MYO1B: variants seen among roughly 807,000 people sequenced by gnomAD.
The protein encoded by MYO1B is myosin IB.
A neutral mutation model predicts 159.7 loss-of-function variants in MYO1B; 72 were observed. The ratio of observed to expected loss-of-function variants is 0.45; its 90% confidence interval spans 0.37 to 0.55. MYO1B has a LOEUF of 0.55. Among genes scored for constraint, MYO1B ranks in the 20% least tolerant of loss-of-function variants. The pLI is 0.00. For missense variants in MYO1B, 1,062 were observed against 1,364.8 expected (o/e 0.78, Z 3.50); for synonymous variants, 468 against 473.8 (o/e 0.99, Z 0.16).
At chr2:191,301,470 G>A (rs1689329117) in intron 3 of MYO1B, among the ~76,000 whole-genome samples, 1 of 152,100 alleles carries the variant, frequency 6.6e-6, no homozygotes, top group Non-Finnish European at 1.5e-5. Flanking sequence ...ACCACAAGTG[G>A]AAAACACCAC....
At chr2:191,382,901 C>A (rs1213640823) in intron 14 of MYO1B, among the ~76,000 whole-genome samples, 1 of 152,112 alleles carries the variant, frequency 6.6e-6, no homozygotes, top group Non-Finnish European at 1.5e-5. Flanking sequence ...GCTTTAAATT[C>A]TTGGGATCAA....
intron 30 of MYO1B, among the ~76,000 whole-genome samples, chr2:191,416,842 C>T (rs1280535915): frequency 4.6e-5 from 7 of 151,846 alleles, no homozygotes; most frequent in Admixed American, 2.6e-4. Flanking sequence ...AGGGAGGCCT[C>T]TTTGATGTGG....
At chr2:191,362,671 A>G (rs1693747753) in intron 9 of MYO1B, among the ~76,000 whole-genome samples, 2 of 152,190 alleles carry the variant, frequency 1.3e-5, no homozygotes. Flanking sequence ...AAGTGTTTTT[A>G]TGGCAAAAGT....
chr2:191,387,216 G>A lies in MYO1B; in HGVS notation c.1555-8G>A. On this transcript the variant is annotated splice_polypyrimidine_tract_variant and splice_region_variant and intron_variant, in intron 16 of 30. Transcript: ENST00000392318. ...TGCCTGTCATTGAGTTACATGTGCT[G>A]CTTATAGGTGCTGTACCAGGTGGAA... The A allele has an allele frequency of 6.2e-7, 1 of 1,611,968 alleles. No homozygotes were observed. Among genetic ancestry groups the A allele is most frequent in the Middle Eastern group, 1.7e-4 (1 of 6,052 alleles).
intron 15 of MYO1B, among the ~76,000 whole-genome samples, chr2:191,384,157 G>A (rs773863052): frequency 1.3e-5 from 2 of 152,178 alleles, no homozygotes; most frequent in African/African-American, 2.4e-5. Flanking sequence ...ATCATATTCC[G>A]TAGTTTATTG....
chr2:191,254,523 T>A (rs1451364506), intron 1 of MYO1B, among the ~76,000 whole-genome samples: 4 of 152,080 alleles, frequency 2.6e-5, no homozygotes, highest in South Asian at 4.2e-4. Context: ...TTTTTTTTTT[T>A]AGAGACAAGT....
At chr2:191,300,758 A>G (rs1324671886) in intron 3 of MYO1B, among the ~76,000 whole-genome samples, 1 of 149,032 alleles carries the variant, frequency 6.7e-6, no homozygotes, top group Non-Finnish European at 1.5e-5. Context: ...GGCACATGTC[A>G]CTGCACCTGG....
At chr2:191,283,879 A>G (rs1455734256) in intron 2 of MYO1B, among the ~76,000 whole-genome samples, 2 of 152,258 alleles carry the variant, frequency 1.3e-5, no homozygotes, top group Non-Finnish European at 2.9e-5. Context: ...TGACCTGGAC[A>G]AATAATCAAA....
intron 1 of MYO1B, among the ~76,000 whole-genome samples, chr2:191,274,870 C>T (rs534082008): frequency 1.2e-4 from 18 of 152,020 alleles, no homozygotes; most frequent in Middle Eastern, 3.4e-3. Flanking sequence ...TTTGGGCCGA[C>T]GTTGTTGAGT....
At chr2:191,352,900 A>T (rs1016651270) in intron 7 of MYO1B, among the ~76,000 whole-genome samples, 1 of 152,218 alleles carries the variant, frequency 6.6e-6, no homozygotes, top group Non-Finnish European at 1.5e-5. Flanking sequence ...GTAGAAAAGA[A>T]GACAAAATTT....
chr2:191,404,834 C>T (rs976634956), intron 24 of MYO1B, among the ~76,000 whole-genome samples: 2 of 152,192 alleles, frequency 1.3e-5, no homozygotes, highest in African/African-American at 2.4e-5. Context: ...AAGTTGTAAT[C>T]TTTTTGCTGG....
At chr2:191,410,500 T>A (rs1377406583) in intron 26 of MYO1B, among the ~76,000 whole-genome samples, 1 of 152,102 alleles carries the variant, frequency 6.6e-6, no homozygotes, top group Admixed American at 6.5e-5. Flanking sequence ...AAAATGGTAG[T>A]GGGGGGATTT....
At chr2:191,314,949 T>C (rs964393028) in intron 3 of MYO1B, among the ~76,000 whole-genome samples, 1 of 152,168 alleles carries the variant, frequency 6.6e-6, no homozygotes, top group African/African-American at 2.4e-5. Context: ...ATTTTTAAAT[T>C]GTAGATTTTT....
intron 17 of MYO1B, among the ~76,000 whole-genome samples, chr2:191,389,126 C>A (rs1695585944): frequency 1.3e-5 from 2 of 152,114 alleles, no homozygotes; most frequent in African/African-American, 4.8e-5. Flanking sequence ...TCTGAACTTA[C>A]TAGGCCATTC....
In MYO1B at chr2:191,390,365, C is replaced by T. The variant is rs766360812; in HGVS notation, c.1855C>T (p.Leu619=). The T allele has an allele frequency of 6.2e-7, 1 of 1,614,238 alleles. No homozygotes were observed. The highest frequency in any genetic ancestry group is 1.1e-5 in the South Asian group (1 of 91,088). The stretch of plus-strand genomic sequence containing the variant: ...TCTAGTGTGTCATCAGATCAGGTAC[C>T]TGGGGCTTTTGGAGAACGTCCGAGT... ...EALVCHQIRY[L]GLLENVRVRR... Residue 619 remains leucine, a synonymous_variant, in exon 18 of 31, where the codon CTG becomes TTG. Transcript: ENST00000392318.
At position 191,350,827 on chromosome 2, in the gene MYO1B, A is replaced by AC. The variant is rs397987069; in HGVS notation, c.562+603dup. ...AAGTTAAAAAAAAAAAACAAAAAAA[A>AC]CACAATCAGATGAGGTCTGCTCATT... On this transcript the variant is annotated intron_variant, in intron 7 of 30. Coordinates refer to ENST00000392318, the MANE Select transcript of MYO1B (RefSeq NM_001130158.3). 6.3e-4 allele frequency among the ~76,000 whole-genome samples: 95 copies of AC among 150,900 alleles called. 1 individual carries two copies. In the East Asian group the frequency reaches 0.011, roughly 17 times the overall value.
At chr2:191,287,957 A>G (rs1300127897) in intron 2 of MYO1B, among the ~76,000 whole-genome samples, 1 of 149,062 alleles carries the variant, frequency 6.7e-6, no homozygotes, top group African/African-American at 2.5e-5. Context: ...AAGCTGTTCC[A>G]TTCTCTGTCT....
rs368239763 is a variant in MYO1B, at chr2:191,334,361, A to C, written c.346+4332A>C. ...ATTCCATCTCCTGATGGGCTCATGTATCTTCCTTACTGAAAAACTGAGTGG... is the reference window on the plus strand; with the variant it reads ...ATTCCATCTCCTGATGGGCTCATGTCTCTTCCTTACTGAAAAACTGAGTGG... On this transcript the variant is annotated intron_variant, in intron 4 of 30. Transcript: ENST00000392318. Among the ~76,000 whole-genome samples, 3 of 152,216 alleles carry C rather than the reference A, an allele frequency of 2.0e-5. No individual in the cohort carries two copies. In the East Asian group the frequency reaches 5.8e-4, roughly 29 times the overall value.
chr2:191,383,778 T>C (rs55867136), intron 15 of MYO1B, among the ~76,000 whole-genome samples: 2,378 of 152,062 alleles, frequency 0.016, 61 homozygotes, highest in African/African-American at 0.054. Context: ...CTCCTGGGCA[T>C]GTGAGTACTG....
Sources: allele counts gnomAD v4.1 joint callset (sites outside exome capture counted in the v4.1 genomes callset), GRCh38; gene constraint gnomAD v4.1.1; transcripts MANE v1.5; gene names NCBI Gene and HGNC (gene_info 2026-07-23, HGNC 2026-07-21).